The following STX17 variants were observed in gnomAD, a reference collection of about 807,000 sequenced individuals.
The protein encoded by STX17 is syntaxin 17, also known as syntaxin-17.
STX17 carries 29 observed loss-of-function variants against 35.9 expected under a neutral mutation model. The ratio of observed to expected loss-of-function variants is 0.81; its 90% CI spans 0.60 to 1.10. The LOEUF is 1.10. Ranked by LOEUF, STX17 falls within the 50% of genes least tolerant of loss-of-function variation. The pLI is 0.00. For synonymous variants in STX17, 92 were observed against 118.3 expected, an observed-to-expected ratio of 0.78 and a Z score of 1.44; for missense variants, 312 against 352.3, an observed-to-expected ratio of 0.89 and a Z score of 0.92.
chr9:99,944,243 A>C (rs921253216), intron 3 of STX17, among the ~76,000 whole-genome samples: 2 of 151,914 alleles, frequency 1.3e-5, no homozygotes, highest in African/African-American at 2.4e-5. Flanking sequence ...GTCTTCCCAA[A>C]AATCTAGTTT....
intron 2 of STX17, among the ~76,000 whole-genome samples, chr9:99,916,808 G>A (rs1235360932): frequency 1.3e-5 from 2 of 152,110 alleles, no homozygotes; most frequent in East Asian, 1.9e-4. Context: ...TAACATGAAT[G>A]GAAGCAAATT....
At chr9:99,932,629 A>T (rs1244060677) in intron 3 of STX17, among the ~76,000 whole-genome samples, 2 of 152,200 alleles carry the variant, frequency 1.3e-5, no homozygotes, top group Non-Finnish European at 2.9e-5. Flanking sequence ...GGCTATGATC[A>T]AAGTATTTGT....
intron 3 of STX17, among the ~76,000 whole-genome samples, chr9:99,937,301 T>C (rs1275538290): frequency 6.6e-6 from 1 of 152,186 alleles, no homozygotes; most frequent in Non-Finnish European, 1.5e-5. Context: ...ATCGTTTGCA[T>C]CAAATATGGG....
intron 3 of STX17, among the ~76,000 whole-genome samples, chr9:99,949,114 T>C (rs1490740895): frequency 2.0e-5 from 3 of 152,248 alleles, no homozygotes; most frequent in East Asian, 1.9e-4. Context: ...AGTTTCCTTA[T>C]TGTAAAATTG....
chr9:99,910,826 C>G (rs890454500), intron 1 of STX17, among the ~76,000 whole-genome samples: 1 of 152,122 alleles, frequency 6.6e-6, no homozygotes, highest in Admixed American at 6.5e-5. Flanking sequence ...TCTCTTCACC[C>G]CTCCTGCCCC....
chr9:99,964,391 C>CT (rs1451084374), intron 6 of STX17, among the ~76,000 whole-genome samples: 1 of 152,046 alleles, frequency 6.6e-6, no homozygotes, highest in Non-Finnish European at 1.5e-5. Context: ...TAGACATATT[C>CT]TTAGAGTCAT....
Position 99,973,745 on chromosome 9 carries a change from C to A in STX17, c.*5072C>A, listed in dbSNP as rs1394893175. Among the ~76,000 whole-genome samples, 1 of 152,162 alleles carries A rather than the reference C, an allele frequency of 6.6e-6. No homozygotes were observed. The highest frequency in any genetic ancestry group is 6.6e-5 in the Admixed American group (1 of 15,258). On this transcript the variant is annotated 3_prime_UTR_variant, in exon 8 of 8. Coordinates refer to ENST00000259400, the MANE Select transcript of STX17 (RefSeq NM_017919.3). ...ATATCACTGCCACAAGAATTAACAA[C>A]CATGTCCATCTTTCATTTTTCTGCT...
Position 99,974,350 on chromosome 9 carries a change from C to T in STX17, c.*5677C>T, listed in dbSNP as rs1252631708. ...TTTACTTGGGTTTCGTTAACTAAAC[C>T]CCCTAAAGATGTTTTCCATTTTATT... On this transcript the variant is annotated 3_prime_UTR_variant, in exon 8 of 8. Transcript: ENST00000259400. Among the ~76,000 whole-genome samples the T allele has an allele frequency of 6.6e-6, 1 of 152,034 alleles. No individual in the cohort carries two copies. Among genetic ancestry groups the T allele is most frequent in the Non-Finnish European group, 1.5e-5 (1 of 68,006 alleles).
chr9:99,945,675 AT>A, intron 3 of STX17: 1 of 357,482 alleles, frequency 2.8e-6, no homozygotes. Context: ...TTTCTTTTGT[AT>A]TGATCTTGTT....
At chr9:99,917,798 CTGTG>C (rs1828805192) in intron 2 of STX17, among the ~76,000 whole-genome samples, 1 of 152,202 alleles carries the variant, frequency 6.6e-6, no homozygotes, top group Admixed American at 6.5e-5. Flanking sequence ...GAAAAACTTA[CTGTG>C]TAGCACATAC....
intron 2 of STX17, among the ~76,000 whole-genome samples, chr9:99,926,777 C>T (rs1228398724): frequency 1.3e-5 from 2 of 152,174 alleles, no homozygotes; most frequent in East Asian, 1.9e-4. Flanking sequence ...GGATTACAGG[C>T]GTGAGCCACT....
intron 3 of STX17, among the ~76,000 whole-genome samples, chr9:99,946,428 C>T (rs566979317): frequency 2.8e-4 from 43 of 152,204 alleles, no homozygotes; most frequent in African/African-American, 9.1e-4. Context: ...ATATCAGTTC[C>T]TTAGACTATT....
chr9:99,931,061 A>T (rs544169340), intron 3 of STX17, among the ~76,000 whole-genome samples: 1 of 151,992 alleles, frequency 6.6e-6, no homozygotes, highest in Non-Finnish European at 1.5e-5. Flanking sequence ...GCTCACTGCA[A>T]TCTCCACCTC....
At chr9:99,950,371 T>C (rs1468504425) in intron 3 of STX17, among the ~76,000 whole-genome samples, 1 of 151,892 alleles carries the variant, frequency 6.6e-6, no homozygotes, top group Non-Finnish European at 1.5e-5. Flanking sequence ...TATTCCTGTT[T>C]CTGGGAGTCT....
chr9:99,933,196 G>C (rs1829160564), intron 3 of STX17, among the ~76,000 whole-genome samples: 1 of 151,978 alleles, frequency 6.6e-6, no homozygotes, highest in Admixed American at 6.5e-5. Flanking sequence ...CCTGATTTCT[G>C]TGGTGCTACT....
rs1221905273 is a variant in STX17, at chr9:99,972,156, T to G, written c.*3483T>G. Among the ~76,000 whole-genome samples, 2 of 152,192 alleles carry G rather than the reference T, an allele frequency of 1.3e-5. No individual in the cohort carries two copies. Among genetic ancestry groups the G allele is most frequent in the South Asian group, 2.1e-4 (1 of 4,832 alleles). ...TGATGCAGACATAAACAGTGCTCAA[T>G]TTGGCCCTTAAACTATAAAATCAAG... On this transcript the variant is annotated 3_prime_UTR_variant, in exon 8 of 8. Coordinates refer to ENST00000259400, the MANE Select transcript of STX17 (RefSeq NM_017919.3).
At chr9:99,915,496 T>G in intron 2 of STX17, 134 bp downstream of exon 2, 1 of 1,114,878 alleles carries the variant, frequency 9.0e-7, no homozygotes, top group Non-Finnish European at 1.2e-6. Context: ...TTTAGCAACA[T>G]TATGCATTTT....
At chr9:99,967,509 G>A in intron 6 of STX17, 144 bp from the exon 7 acceptor site, 2 of 525,236 alleles carry the variant, frequency 3.8e-6, no homozygotes, top group Non-Finnish European at 6.7e-6. Flanking sequence ...TTTCGACATG[G>A]CTTATCAGAT....
chr9:99,943,194 C>T (rs3983846), intron 3 of STX17, among the ~76,000 whole-genome samples: 61,210 of 151,916 alleles, frequency 0.4, 13,111 homozygotes, highest in East Asian at 0.7. Context: ...AGTGCAGTGG[C>T]GCGATCTCTG....
Sources: allele counts gnomAD v4.1 joint callset (sites outside exome capture counted in the v4.1 genomes callset), GRCh38; gene constraint gnomAD v4.1.1; transcripts MANE v1.5; gene names NCBI Gene and HGNC (gene_info 2026-07-23, HGNC 2026-07-21).